GPC5: variants seen among roughly 807,000 people sequenced by gnomAD.
GPC5 encodes the protein glypican-5.
Under a neutral mutation model 53.9 loss-of-function variants are expected in GPC5, and 47 were observed. That is an observed-to-expected ratio of 0.87 (90% CI 0.69 to 1.11). GPC5 has a LOEUF of 1.11. GPC5 is among the 50% of genes most tolerant of loss of function. GPC5 has a pLI of 0.00. For missense variants in GPC5, 748 were observed against 713.1 expected, an observed-to-expected ratio of 1.05 and a Z score of -0.56; for synonymous variants, 286 against 263.3, an observed-to-expected ratio of 1.09 and a Z score of -0.84.
At chr13:92,157,474 G>T (rs2041953308) in intron 7 of GPC5, among the ~76,000 whole-genome samples, 1 of 152,142 alleles carries the variant, frequency 6.6e-6, no homozygotes, top group Non-Finnish European at 1.5e-5. Flanking sequence ...TAGGGGTTCT[G>T]TCTTGATGAC....
In GPC5 at chr13:92,498,868, C is replaced by A. The variant is rs190546209; in HGVS notation, c.1561+353879C>A. ...CGGCATAGATAAACTCCTAACAATTCTTGAATGAGTGTGGCAAAGGGGAAA... is the reference window on the plus strand; with the variant it reads ...CGGCATAGATAAACTCCTAACAATTATTGAATGAGTGTGGCAAAGGGGAAA... On this transcript the variant is annotated intron_variant, in intron 7 of 7. Transcript: ENST00000377067. Among the ~76,000 whole-genome samples, 5 of 152,194 alleles carry A rather than the reference C, an allele frequency of 3.3e-5. 1 individual carries two copies. In the East Asian group the frequency reaches 5.8e-4, roughly 18 times the overall value.
chr13:91,833,294 C>T lies in GPC5; in HGVS notation c.1281-74643C>T, dbSNP rs144413495. Among the ~76,000 whole-genome samples the T allele has an allele frequency of 7.8e-3, 1,194 of 152,262 alleles. 17 individuals carry two copies. Among genetic ancestry groups the T allele is most frequent in the African/African-American group, 0.027 (1,136 of 41,532 alleles). The stretch of plus-strand genomic sequence containing the variant: ...AAAACCTCAAGACTGGATAGATTCA[C>T]AGCCGAATTCTACCAGAGGTACAAA... On this transcript the variant is annotated intron_variant, in intron 5 of 7. Coordinates refer to ENST00000377067, the MANE Select transcript of GPC5 (RefSeq NM_004466.6).
chr13:92,261,595 A>G (rs1181337182), intron 7 of GPC5, among the ~76,000 whole-genome samples: 3 of 152,090 alleles, frequency 2.0e-5, no homozygotes, highest in Non-Finnish European at 2.9e-5. Context: ...AATGATTAAG[A>G]GAGAGAATAT....
chr13:92,402,755 C>T (rs1875617079), intron 7 of GPC5, among the ~76,000 whole-genome samples: 1 of 152,174 alleles, frequency 6.6e-6, no homozygotes, highest in South Asian at 2.1e-4. Flanking sequence ...CAGTTAGAAG[C>T]TCTTGACAAA....
intron 7 of GPC5, among the ~76,000 whole-genome samples, chr13:92,848,239 A>T (rs1878674849): frequency 6.6e-6 from 1 of 152,080 alleles, no homozygotes; most frequent in Non-Finnish European, 1.5e-5. Flanking sequence ...CTATCCTGGG[A>T]AAAGGCCTTA....
chr13:92,647,271 C>A (rs72641025), intron 7 of GPC5, among the ~76,000 whole-genome samples: 15,953 of 151,992 alleles, frequency 0.1, 982 homozygotes, highest in Admixed American at 0.15. Flanking sequence ...TAAAAGTGTT[C>A]CTTATCTTTC....
At chr13:91,771,705 A>G (rs1447657735) in intron 5 of GPC5, among the ~76,000 whole-genome samples, 2 of 152,194 alleles carry the variant, frequency 1.3e-5, no homozygotes, top group Non-Finnish European at 1.5e-5. Context: ...TTTTTTTACC[A>G]AGTCCTTTTA....
intron 7 of GPC5, among the ~76,000 whole-genome samples, chr13:92,164,957 G>T (rs57786071): frequency 6.6e-6 from 1 of 152,218 alleles, no homozygotes; most frequent in Non-Finnish European, 1.5e-5. Context: ...TGAGCTGTAC[G>T]TTGGCCCCTT....
rs1300959382 is a variant in GPC5, at chr13:92,757,724, T to C, written c.1562-108558T>C. On this transcript the variant is annotated intron_variant, in intron 7 of 7. Coordinates refer to ENST00000377067, the MANE Select transcript of GPC5 (RefSeq NM_004466.6). ...GACATTTATGCAGCCAAAAGACACA[T>C]GAAAAAATGCTCATCATCACTGGCC... is the stretch of plus-strand genomic sequence containing the variant. Among the ~76,000 whole-genome samples, 4 of 152,014 alleles carry C rather than the reference T, an allele frequency of 2.6e-5. No individual in the cohort carries two copies. The East Asian group carries it at 5.8e-4, about 22-fold the overall frequency.
Position 92,177,492 on chromosome 13 carries a change from A to C in GPC5, c.1561+32503A>C, listed in dbSNP as rs150689877. ...TTTTTATATTTTTATAATTATACAA[A>C]TTACTTACATCTCAACCTTATAAAG... On this transcript the variant is annotated intron_variant, in intron 7 of 7. Transcript: ENST00000377067. Among the ~76,000 whole-genome samples, 174 of 152,282 alleles carry C rather than the reference A, an allele frequency of 1.1e-3. 1 individual carries two copies. In the East Asian group the frequency reaches 0.033, roughly 29 times the overall value.
At position 92,517,263 on chromosome 13, in the gene GPC5, C is replaced by A. The variant is rs529341474; in HGVS notation, c.1562-349019C>A. Among the ~76,000 whole-genome samples, 184 of 152,280 alleles carry A rather than the reference C, an allele frequency of 1.2e-3. 6 individuals are homozygous for A. In the South Asian group the frequency reaches 0.037, roughly 31 times the overall value. ...CTCCACCTCTGGGGACAGGGCATAG[C>A]CAAACAAAAGGCAGCAGAAATCTCT... is the stretch of plus-strand genomic sequence containing the variant. On this transcript the variant is annotated intron_variant, in intron 7 of 7. Transcript: ENST00000377067.
At chr13:92,613,924 A>G (rs1463045817) in intron 7 of GPC5, among the ~76,000 whole-genome samples, 1 of 151,912 alleles carries the variant, frequency 6.6e-6, no homozygotes, top group Non-Finnish European at 1.5e-5. Context: ...AGTCACACAG[A>G]TGTGAGAATA....
intron 2 of GPC5, among the ~76,000 whole-genome samples, chr13:91,621,779 A>ATATATATATATG (rs2033865895): frequency 2.8e-5 from 1 of 35,460 alleles, no homozygotes; most frequent in African/African-American, 4.3e-5. Context: ...ATATATATAT[A>ATATATATATATG]TATATATATA....
chr13:91,981,631 T>A (rs1160060017), intron 6 of GPC5, among the ~76,000 whole-genome samples: 1 of 152,186 alleles, frequency 6.6e-6, no homozygotes, highest in Non-Finnish European at 1.5e-5. Flanking sequence ...TTGACTTCAT[T>A]CAAACATTTA....
At chr13:92,129,076 C>T (rs1348948776) in intron 6 of GPC5, among the ~76,000 whole-genome samples, 1 of 152,172 alleles carries the variant, frequency 6.6e-6, no homozygotes, top group African/African-American at 2.4e-5. Context: ...CCTTGTTCAA[C>T]ACATTTCTAA....
At chr13:92,205,257 A>G (rs1011282346) in intron 7 of GPC5, among the ~76,000 whole-genome samples, 6 of 152,080 alleles carry the variant, frequency 3.9e-5, no homozygotes, top group Non-Finnish European at 8.8e-5. Context: ...CTGAAGTGCA[A>G]TGGCATGATC....
chr13:92,056,969 C>A (rs962279289), intron 6 of GPC5, among the ~76,000 whole-genome samples: 1 of 152,116 alleles, frequency 6.6e-6, no homozygotes, highest in African/African-American at 2.4e-5. Context: ...CTGTAAAGAC[C>A]TCTTACTCCC....
At chr13:92,252,608 A>G (rs2042700164) in intron 7 of GPC5, among the ~76,000 whole-genome samples, 1 of 152,044 alleles carries the variant, frequency 6.6e-6, no homozygotes, top group Non-Finnish European at 1.5e-5. Context: ...TACTTTTACC[A>G]TTTCTTAGAT....
intron 7 of GPC5, among the ~76,000 whole-genome samples, chr13:92,449,273 G>C (rs1877960237): frequency 6.6e-6 from 1 of 152,098 alleles, no homozygotes; most frequent in African/African-American, 2.4e-5. Flanking sequence ...GGTGCCAGTG[G>C]ACTGAGGGAA....
Sources: gnomAD v4.1 joint callset for allele counts (sites outside exome capture counted in the v4.1 genomes callset) on GRCh38, gnomAD v4.1.1 for gene constraint, MANE v1.5 for transcripts, NCBI Gene and HGNC (gene_info 2026-07-23, HGNC 2026-07-21) for gene names.